CDH12: variants seen among roughly 807,000 people sequenced by gnomAD.
The protein encoded by CDH12 is cadherin 12.
A neutral mutation model predicts 74.1 loss-of-function variants in CDH12; 41 were observed. That is an observed-to-expected ratio of 0.55 (90% CI 0.43 to 0.72). The LOEUF is 0.72. Among genes scored for constraint, CDH12 ranks in the 30% least tolerant of loss-of-function variants. The probability of loss-of-function intolerance (pLI) is 0.00; values close to 1 mark genes in which losing one functional copy is unlikely to be tolerated. For synonymous variants in CDH12, 399 were observed against 355.0 expected (o/e 1.12, Z -1.39); for missense variants, 945 against 977.2 (o/e 0.97, Z 0.44).
chr5:21,927,844 C>T (rs1170771507), intron 6 of CDH12, among the ~76,000 whole-genome samples: 4 of 151,646 alleles, frequency 2.6e-5, no homozygotes, highest in African/African-American at 7.3e-5. Context: ...CCGAGGCAAG[C>T]GGATCGTGAG....
chr5:22,330,978 C>G (rs1408291758), intron 3 of CDH12, among the ~76,000 whole-genome samples: 1 of 151,912 alleles, frequency 6.6e-6, no homozygotes, highest in East Asian at 1.9e-4. Flanking sequence ...GATGGAACGG[C>G]CTTTGGGCTT....
intron 3 of CDH12, among the ~76,000 whole-genome samples, chr5:22,293,245 G>A (rs184859568): frequency 1.3e-5 from 2 of 152,182 alleles, no homozygotes; most frequent in East Asian, 3.9e-4. Flanking sequence ...ACAGTAGCAG[G>A]GACTGACTGA....
intron 1 of CDH12, among the ~76,000 whole-genome samples, chr5:22,565,137 C>T (rs780443562): frequency 2.0e-5 from 3 of 151,966 alleles, no homozygotes; most frequent in East Asian, 3.9e-4. Context: ...GGTTTCACCA[C>T]GTTGGCCAAG....
At chr5:22,200,462 C>T (rs1158809841) in intron 4 of CDH12, among the ~76,000 whole-genome samples, 1 of 152,098 alleles carries the variant, frequency 6.6e-6, no homozygotes, top group Non-Finnish European at 1.5e-5. Flanking sequence ...CCAGTTATTA[C>T]ATAGAAAAGA....
intron 2 of CDH12, among the ~76,000 whole-genome samples, chr5:22,466,992 T>C (rs1745759654): frequency 7.4e-6 from 1 of 135,166 alleles, no homozygotes; most frequent in Non-Finnish European, 1.6e-5. Flanking sequence ...TTTCACCATG[T>C]TGGCCAGGAT....
chr5:22,822,743 G>A (rs1449287573), intron 1 of CDH12, among the ~76,000 whole-genome samples: 1 of 152,150 alleles, frequency 6.6e-6, no homozygotes, highest in South Asian at 2.1e-4. Context: ...ACAGGTGCTG[G>A]AGAGGATGTG....
chr5:21,865,869 T>C (rs1462683792), intron 6 of CDH12, among the ~76,000 whole-genome samples: 1 of 152,180 alleles, frequency 6.6e-6, no homozygotes, highest in Non-Finnish European at 1.5e-5. Flanking sequence ...CCATGTGATA[T>C]GGTTTTGTTG....
At chr5:22,501,416 A>G (rs1433370114) in intron 2 of CDH12, among the ~76,000 whole-genome samples, 1 of 152,168 alleles carries the variant, frequency 6.6e-6, no homozygotes, top group Non-Finnish European at 1.5e-5. Context: ...GCTTGAAGCA[A>G]TCATGAGTAA....
At chr5:22,104,185 A>G (rs1287859775) in intron 4 of CDH12, among the ~76,000 whole-genome samples, 2 of 152,214 alleles carry the variant, frequency 1.3e-5, no homozygotes, top group African/African-American at 4.8e-5. Flanking sequence ...TATTGAGTAT[A>G]CCATACAAAA....
chr5:21,925,460 C>T (rs1754544677), intron 6 of CDH12, among the ~76,000 whole-genome samples: 1 of 152,108 alleles, frequency 6.6e-6, no homozygotes, highest in African/African-American at 2.4e-5. Flanking sequence ...GCTCTGAATA[C>T]CTTTTCATCA....
intron 1 of CDH12, among the ~76,000 whole-genome samples, chr5:22,650,196 T>G (rs989373664): frequency 6.6e-6 from 1 of 152,106 alleles, no homozygotes; most frequent in African/African-American, 2.4e-5. Flanking sequence ...CATTCATGAT[T>G]AGTGGCTATC....
At chr5:21,767,703 G>A (rs1326297402) in intron 11 of CDH12, among the ~76,000 whole-genome samples, 1 of 151,602 alleles carries the variant, frequency 6.6e-6, no homozygotes, top group East Asian at 1.9e-4. Context: ...TGTTGAAAAT[G>A]AGTAACAAGT....
At chr5:21,769,097 A>G (rs1745181851) in intron 11 of CDH12, among the ~76,000 whole-genome samples, 1 of 152,056 alleles carries the variant, frequency 6.6e-6, no homozygotes, top group South Asian at 2.1e-4. Flanking sequence ...TCAAGAAACA[A>G]TAAATAAAAG....
chr5:22,615,043 T>C (rs897568271), intron 1 of CDH12, among the ~76,000 whole-genome samples: 1 of 151,962 alleles, frequency 6.6e-6, no homozygotes, highest in Non-Finnish European at 1.5e-5. Context: ...AATGCAAAAA[T>C]TATTTACTCT....
chr5:22,281,262 A>G (rs1218407708), intron 3 of CDH12, among the ~76,000 whole-genome samples: 2 of 152,212 alleles, frequency 1.3e-5, no homozygotes, highest in Admixed American at 6.5e-5. Context: ...ACCCACAGCC[A>G]ATATCATACT....
At chr5:22,594,067 A>G (rs1736477180) in intron 1 of CDH12, among the ~76,000 whole-genome samples, 1 of 152,204 alleles carries the variant, frequency 6.6e-6, no homozygotes, top group Non-Finnish European at 1.5e-5. Context: ...CATGTGGTCT[A>G]AAAGACTGAG....
chr5:22,209,141 T>G (rs1751391288), intron 4 of CDH12, among the ~76,000 whole-genome samples: 1 of 152,150 alleles, frequency 6.6e-6, no homozygotes, highest in African/African-American at 2.4e-5. Flanking sequence ...AGTTACCATC[T>G]TAGCACATCC....
At chr5:22,789,588 T>A (rs2126378050) in intron 1 of CDH12, among the ~76,000 whole-genome samples, 1 of 152,146 alleles carries the variant, frequency 6.6e-6, no homozygotes, top group South Asian at 2.1e-4. Flanking sequence ...ATTTAATATA[T>A]TTCTCATAAA....
At chr5:21,864,935 T>C (rs188904188) in intron 6 of CDH12, among the ~76,000 whole-genome samples, 60 of 152,298 alleles carry the variant, frequency 3.9e-4, no homozygotes, top group Admixed American at 2.7e-3. Context: ...TATTGGAAAC[T>C]GGAATAAAGG....
Sources: allele counts gnomAD v4.1 joint callset (sites outside exome capture counted in the v4.1 genomes callset), GRCh38; gene constraint gnomAD v4.1.1; transcripts MANE v1.5; gene names NCBI Gene and HGNC (gene_info 2026-07-23, HGNC 2026-07-21).